LRRTM4: variants seen among roughly 807,000 people sequenced by gnomAD.
The protein encoded by LRRTM4 is leucine-rich repeat transmembrane neuronal protein 4.
LRRTM4 carries 25 observed loss-of-function variants against 47.6 expected under a neutral mutation model. The ratio of observed to expected loss-of-function variants is 0.53; its 90% CI spans 0.38 to 0.73. The LOEUF is 0.73. Ranked by LOEUF, LRRTM4 falls within the 30% of genes least tolerant of loss-of-function variation. The pLI, the probability that LRRTM4 is intolerant of heterozygous loss-of-function variation, is 0.00. For missense variants in LRRTM4, 638 were observed against 713.4 expected, an observed-to-expected ratio of 0.89 and a Z score of 1.20; for synonymous variants, 311 against 269.5, an observed-to-expected ratio of 1.15 and a Z score of -1.51.
chr2:77,441,139 T>A (rs1675822118), intron 3 of LRRTM4, among the ~76,000 whole-genome samples: 1 of 152,196 alleles, frequency 6.6e-6, no homozygotes, highest in Admixed American at 6.5e-5. Flanking sequence ...CACCATGAAT[T>A]GAAGATGATC....
chr2:76,898,855 T>C (rs1004978235), intron 3 of LRRTM4, among the ~76,000 whole-genome samples: 8 of 151,532 alleles, frequency 5.3e-5, no homozygotes, highest in Non-Finnish European at 5.9e-5. Flanking sequence ...CTATATATAG[T>C]TATACTTTTA....
At chr2:77,471,542 G>T (rs964229235) in intron 3 of LRRTM4, among the ~76,000 whole-genome samples, 2 of 151,988 alleles carry the variant, frequency 1.3e-5, no homozygotes, top group Admixed American at 6.6e-5. Flanking sequence ...CACATGGTCT[G>T]CCCTCTTGCA....
At chr2:77,189,540 G>T (rs1573055920) in intron 3 of LRRTM4, among the ~76,000 whole-genome samples, 1 of 152,030 alleles carries the variant, frequency 6.6e-6, no homozygotes, top group South Asian at 2.1e-4. Flanking sequence ...ACTCCAGAGA[G>T]GCTCTAGCTC....
At position 77,312,018 on chromosome 2, in the gene LRRTM4, A is replaced by G. The variant is rs533515848; in HGVS notation, c.1551+206300T>C. 2.6e-5 allele frequency among the ~76,000 whole-genome samples: 4 copies of G among 152,050 alleles called. No individual in the cohort carries two copies. In the South Asian group the frequency reaches 6.2e-4, roughly 24 times the overall value. On this transcript the variant is annotated intron_variant, in intron 3 of 3. Transcript: ENST00000409884. The stretch of plus-strand genomic sequence containing the variant: ...ATATTTTCCCTTTTGTCATCCCTCA[A>G]TATTGGAGTGTTGATGAGTTCCCAT...
chr2:77,089,575 C>T (rs1043397161), intron 3 of LRRTM4, among the ~76,000 whole-genome samples: 1 of 152,004 alleles, frequency 6.6e-6, no homozygotes. Context: ...TAAGAACCCC[C>T]GAACCCCTTC....
chr2:77,012,565 T>C (rs1312930356), intron 3 of LRRTM4, among the ~76,000 whole-genome samples: 1 of 152,170 alleles, frequency 6.6e-6, no homozygotes, highest in East Asian at 1.9e-4. Context: ...CTGATCTCAT[T>C]GCACGTTAAA....
intron 3 of LRRTM4, among the ~76,000 whole-genome samples, chr2:76,888,770 TA>T (rs1673158646): frequency 6.6e-6 from 1 of 151,878 alleles, no homozygotes; most frequent in African/African-American, 2.4e-5. Flanking sequence ...TATGTAGACA[TA>T]ATGCTTAATT....
rs568322990 is a variant in LRRTM4 at position 76,997,447 on chromosome 2, C to T, written c.1552-248531G>A. Among the ~76,000 whole-genome samples the T allele has an allele frequency of 5.3e-5, 8 of 152,160 alleles. No individual in the cohort carries two copies. The South Asian group carries it at 8.3e-4, about 16-fold the overall frequency. Reference sequence around the variant, plus strand: ...CAGTCCTCCAGCTCAGGCCTCATCACGCATGAACACTGATGAAATATGAAT... The same window carrying T: ...CAGTCCTCCAGCTCAGGCCTCATCATGCATGAACACTGATGAAATATGAAT... On this transcript the variant is annotated intron_variant, in intron 3 of 3. Transcript: ENST00000409884.
intron 3 of LRRTM4, among the ~76,000 whole-genome samples, chr2:76,959,586 A>G (rs1268616323): frequency 6.6e-6 from 1 of 151,766 alleles, no homozygotes; most frequent in Admixed American, 6.6e-5. Context: ...GGGATAAAGT[A>G]GAAGGCAGTA....
chr2:76,766,291 A>C (rs186449613), intron 3 of LRRTM4, among the ~76,000 whole-genome samples: 2 of 152,154 alleles, frequency 1.3e-5, no homozygotes, highest in South Asian at 4.1e-4. Context: ...TTGAAATCCA[A>C]ACTGGAGCCA....
chr2:77,258,985 A>G lies in LRRTM4; in HGVS notation c.1551+259333T>C, dbSNP rs149025477. Among the ~76,000 whole-genome samples the G allele has an allele frequency of 4.2e-3, 637 of 152,218 alleles. 9 individuals carry two copies. Among genetic ancestry groups the G allele is most frequent in the East Asian group, 0.04 (207 of 5,178 alleles). On this transcript the variant is annotated intron_variant, in intron 3 of 3. Coordinates refer to ENST00000409884, the MANE Select transcript of LRRTM4 (RefSeq NM_001134745.3). ...AAGGAGGCCTGAAGGAGCAGGGAAT[A>G]TGGATTTTTACTAGGAAACATCAAA...
At chr2:77,195,133 A>T (rs146358595) in intron 3 of LRRTM4, among the ~76,000 whole-genome samples, 1 of 151,936 alleles carries the variant, frequency 6.6e-6, no homozygotes, top group Non-Finnish European at 1.5e-5. Context: ...TATTTACTAT[A>T]TAAGAATCCA....
At chr2:77,222,547 T>A (rs2103951401) in intron 3 of LRRTM4, among the ~76,000 whole-genome samples, 1 of 152,228 alleles carries the variant, frequency 6.6e-6, no homozygotes, top group South Asian at 2.1e-4. Context: ...CCCACAGAAC[T>A]ACAAACTATC....
At chr2:77,070,529 C>A (rs755251661) in intron 3 of LRRTM4, among the ~76,000 whole-genome samples, 1 of 151,960 alleles carries the variant, frequency 6.6e-6, no homozygotes, top group Non-Finnish European at 1.5e-5. Context: ...TGACAAATGG[C>A]TTTTATTTAC....
intron 3 of LRRTM4, among the ~76,000 whole-genome samples, chr2:76,774,392 A>G (rs1055604187): frequency 6.6e-6 from 1 of 152,086 alleles, no homozygotes; most frequent in African/African-American, 2.4e-5. Context: ...GGGTTTCACC[A>G]TGTTGGCCAG....
chr2:77,371,748 C>T (rs1381433514), intron 3 of LRRTM4, among the ~76,000 whole-genome samples: 1 of 151,638 alleles, frequency 6.6e-6, no homozygotes, highest in African/African-American at 2.4e-5. Flanking sequence ...TCCCTCTTAA[C>T]TTCATCTCCT....
chr2:77,069,161 C>T (rs914106167), intron 3 of LRRTM4, among the ~76,000 whole-genome samples: 4 of 152,110 alleles, frequency 2.6e-5, no homozygotes, highest in Non-Finnish European at 5.9e-5. Flanking sequence ...TTCCACTTTA[C>T]CCCTCTATAT....
chr2:77,074,057 C>G (rs2860941), intron 3 of LRRTM4, among the ~76,000 whole-genome samples: 60,913 of 150,722 alleles, frequency 0.4, 14,285 homozygotes, highest in East Asian at 0.68. Flanking sequence ...GTTCACTCTT[C>G]TTATAAATTT....
intron 3 of LRRTM4, among the ~76,000 whole-genome samples, chr2:77,268,064 C>G (rs1395801370): frequency 6.6e-6 from 1 of 152,108 alleles, no homozygotes; most frequent in South Asian, 2.1e-4. Flanking sequence ...GCTTCCCAAT[C>G]TATACTTTAC....
Sources: allele counts gnomAD v4.1 joint callset (sites outside exome capture counted in the v4.1 genomes callset), GRCh38; gene constraint gnomAD v4.1.1; transcripts MANE v1.5; gene names NCBI Gene and HGNC (gene_info 2026-07-23, HGNC 2026-07-21).